Variants in ASIP observed in about 807,000 individuals in gnomAD.
ASIP encodes agouti-signaling protein.
In ASIP, 11 loss-of-function variants were observed where a neutral mutation model predicts 10.3. The observed-to-expected ratio is 1.07, with a 90% CI of 0.68 to 1.78. ASIP has a LOEUF of 1.78. ASIP is among the 40% of genes most tolerant of loss of function. The probability of loss-of-function intolerance (pLI) is 0.00; values close to 1 mark genes in which losing one functional copy is unlikely to be tolerated. For missense variants in ASIP, 180 were observed against 169.2 expected (o/e 1.06, Z -0.35); for synonymous variants, 70 against 70.8 (o/e 0.99, Z 0.06).
intron 1 of ASIP, among the ~76,000 whole-genome samples, chr20:34,198,930 C>T (rs1018194038): frequency 2.0e-5 from 3 of 152,150 alleles, no homozygotes; most frequent in African/African-American, 4.8e-5. Flanking sequence ...CCTCATTCCC[C>T]CTTCAAGTCC....
intron 1 of ASIP, among the ~76,000 whole-genome samples, chr20:34,246,980 T>C (rs996185114): frequency 1.3e-5 from 2 of 150,374 alleles, no homozygotes; most frequent in African/African-American, 4.9e-5. Context: ...TTGTTGTTGG[T>C]TTTTGTTTTT....
At chr20:34,203,308 A>G (rs973168013) in intron 1 of ASIP, among the ~76,000 whole-genome samples, 3 of 152,022 alleles carry the variant, frequency 2.0e-5, no homozygotes, top group South Asian at 2.1e-4. Flanking sequence ...GATGTTTTAT[A>G]GTTTTCTATG....
intron 1 of ASIP, among the ~76,000 whole-genome samples, chr20:34,210,037 C>G (rs1373817654): frequency 6.6e-6 from 1 of 152,200 alleles, no homozygotes; most frequent in African/African-American, 2.4e-5. Flanking sequence ...CAGAGAGGAG[C>G]TGCCCACTCC....
intron 1 of ASIP, among the ~76,000 whole-genome samples, chr20:34,208,497 G>A (rs1364848920): frequency 6.6e-6 from 1 of 152,106 alleles, no homozygotes; most frequent in East Asian, 1.9e-4. Context: ...TGGGATTACA[G>A]GTGTGCACCA....
At chr20:34,209,749 C>T (rs562263198) in intron 1 of ASIP, among the ~76,000 whole-genome samples, 4 of 152,244 alleles carry the variant, frequency 2.6e-5, no homozygotes, top group Admixed American at 2.6e-4. Flanking sequence ...AAGGAGGGGC[C>T]GAGGGCAGCT....
chr20:34,203,993 G>A (rs898515205), intron 1 of ASIP, among the ~76,000 whole-genome samples: 7 of 152,220 alleles, frequency 4.6e-5, no homozygotes, highest in Admixed American at 4.6e-4. Flanking sequence ...CAAAGTTCTG[G>A]GATTACAGGC....
chr20:34,197,094 G>A (rs146852770), intron 1 of ASIP, among the ~76,000 whole-genome samples: 64 of 152,038 alleles, frequency 4.2e-4, no homozygotes, highest in African/African-American at 1.4e-3. Flanking sequence ...GCCATAGCAG[G>A]TCGGGTGCAG....
Position 34,235,862 on chromosome 20 carries a change from AAGGAAAGGAAGGAAGG to A in ASIP, c.-10-24501_-10-24486del, listed in dbSNP as rs1271283692. The stretch of plus-strand genomic sequence containing the variant: ...GAAAGAAGGAAGGAAGGAAGGAAGG[AAGGAAAGGAAGGAAGG>A]AAGGAAGGAAGGAAGGAAGGAAAGG... On this transcript the variant is annotated intron_variant, in intron 1 of 3. Coordinates refer to the ASIP transcript ENST00000568305. Among the ~76,000 whole-genome samples the A allele has an allele frequency of 1.3e-4, 7 of 54,958 alleles. No individual in the cohort carries two copies. The East Asian group carries it at 1.9e-3, about 15-fold the overall frequency. The allele number at this position is 54,958 out of a possible 152,430, so 36.1% of individuals were successfully genotyped here.
the ASIP span, among the ~76,000 whole-genome samples, chr20:34,187,620 A>T: frequency 6.6e-6 from 1 of 152,254 alleles, no homozygotes; most frequent in African/African-American, 2.4e-5. Flanking sequence ...GCAGTGACAG[A>T]TGTTATGTAT....
chr20:34,216,680 T>G (rs1457584986), intron 1 of ASIP, among the ~76,000 whole-genome samples: 2 of 152,212 alleles, frequency 1.3e-5, no homozygotes, highest in African/African-American at 2.4e-5. Context: ...AAACAGGCAT[T>G]CCTTTGCCTC....
At chr20:34,213,384 A>T (rs960792942) in intron 1 of ASIP, 2 of 613,446 alleles carry the variant, frequency 3.3e-6, no homozygotes, top group Non-Finnish European at 5.7e-6. Context: ...AGTTAATGCC[A>T]GAGAGTGGAG....
chr20:34,195,003 T>C (rs1458215243), intron 1 of ASIP, among the ~76,000 whole-genome samples: 4 of 152,190 alleles, frequency 2.6e-5, no homozygotes, highest in African/African-American at 9.7e-5. Flanking sequence ...ATTCTGCTAA[T>C]TGGAGTTTCA....
intron 1 of ASIP, among the ~76,000 whole-genome samples, chr20:34,260,084 A>C (rs1254397038): frequency 1.3e-5 from 2 of 150,296 alleles, no homozygotes; most frequent in Admixed American, 1.3e-4. Flanking sequence ...CCAACACACC[A>C]CCCTCTGGAC....
intron 1 of ASIP, among the ~76,000 whole-genome samples, chr20:34,245,349 A>AG (rs1482867023): frequency 1.7e-4 from 26 of 150,826 alleles, no homozygotes; most frequent in Admixed American, 9.2e-4. Flanking sequence ...AAAAAAAAAA[A>AG]AGAGAGAGAG....
At chr20:34,268,572 A>G (rs1332413075) in intron 3 of ASIP, among the ~76,000 whole-genome samples, 1 of 151,966 alleles carries the variant, frequency 6.6e-6, no homozygotes, top group Admixed American at 6.6e-5. Context: ...CATAGAAAAT[A>G]AAATAAAAAT....
chr20:34,214,235 C>T lies in ASIP; in HGVS notation c.-11+19475C>T, dbSNP rs2034992965. 4 of 1,385,656 alleles carry T rather than the reference C, an allele frequency of 2.9e-6. No homozygotes were observed. In the Admixed American group the frequency reaches 6.7e-5, roughly 23 times the overall value. The allele number at this position is 1,385,656 out of a possible 1,614,324, so 85.8% of individuals were successfully genotyped here. Reference sequence around the variant, plus strand: ...CAAATCTAGAAAACAGGTAAGCCATCTTGCTCTGAACTTTTGCACTGGAAT... The same window carrying T: ...CAAATCTAGAAAACAGGTAAGCCATTTTGCTCTGAACTTTTGCACTGGAAT... On this transcript the variant is annotated intron_variant, in intron 1 of 3. Coordinates refer to the ASIP transcript ENST00000568305.
intron 1 of ASIP, among the ~76,000 whole-genome samples, chr20:34,206,721 G>A (rs1568746341): frequency 6.6e-6 from 1 of 152,172 alleles, no homozygotes. Flanking sequence ...TGGGACTACA[G>A]GTGCAAGCCA....
intron 1 of ASIP, chr20:34,214,094 A>T (rs933890978): frequency 2.2e-5 from 26 of 1,174,510 alleles, no homozygotes; most frequent in Non-Finnish European, 2.8e-5. Context: ...AAATTTGATC[A>T]TCGCTGCTCA....
At chr20:34,193,491 G>C (rs897951847), upstream of ASIP, among the ~76,000 whole-genome samples, 1 of 151,916 alleles carries the variant, frequency 6.6e-6, no homozygotes, top group African/African-American at 2.4e-5. Flanking sequence ...TATCAAGCAA[G>C]GTGGGAAGAA....
Sources: allele counts gnomAD v4.1 joint callset (sites outside exome capture counted in the v4.1 genomes callset), GRCh38; gene constraint gnomAD v4.1.1; transcripts MANE v1.5; gene names NCBI Gene and HGNC (gene_info 2026-07-23, HGNC 2026-07-21).